Variants in ZNF273 observed in about 807,000 individuals in gnomAD.
The protein encoded by ZNF273 is zinc finger protein 273, also known as zinc finger protein 9.
ZNF273 carries 11 observed loss-of-function variants against 14.9 expected under a neutral mutation model. The observed-to-expected ratio is 0.74, with a 90% CI of 0.46 to 1.22. The LOEUF (loss-of-function observed/expected upper bound fraction) is 1.22, where lower values mean the gene tolerates loss of function less well. Ranked by LOEUF, ZNF273 falls within the 50% of genes most tolerant of loss-of-function variation. The pLI, the probability that ZNF273 is intolerant of heterozygous loss-of-function variation, is 0.00. For synonymous variants in ZNF273, 199 were observed against 223.9 expected (o/e 0.89, Z 0.99); for missense variants, 577 against 660.6 (o/e 0.87, Z 1.39).
At chr7:64,890,189 G>GGGGGGTGTGT (rs749883524), downstream of ZNF273, 1 of 87,992 alleles carries the variant, frequency 1.1e-5, no homozygotes. Flanking sequence ...GCAGGTTAGG[G>GGGGGGTGTGT]GTGTGTGTGT....
chr7:64,917,011 C>T (rs1794055171), intron 1 of ZNF273: 1 of 1,269,230 alleles, frequency 7.9e-7, no homozygotes, highest in South Asian at 1.3e-5. Flanking sequence ...AAAATAAAGG[C>T]TCTCATCTTT....
At position 64,930,494 on chromosome 7, in the gene ZNF273, G is replaced by A. The variant is rs984051371; in HGVS notation, c.*1456G>A. 1 of 152,124 alleles carries A rather than the reference G, an allele frequency of 6.6e-6. No individual in the cohort carries two copies. Among genetic ancestry groups the A allele is most frequent in the African/African-American group, 2.4e-5 (1 of 41,430 alleles). The allele number at this position is 152,124 out of a possible 1,614,324, so 9.4% of individuals were successfully genotyped here. On this transcript the variant is annotated 3_prime_UTR_variant, in exon 4 of 4. Coordinates refer to ENST00000476120, the MANE Select transcript of ZNF273 (RefSeq NM_021148.3). ...GTACATTTCAAAATTTTTAGATTATGTATGAACTTAGATTTTTAAACATGT... is the reference window on the plus strand; with the variant it reads ...GTACATTTCAAAATTTTTAGATTATATATGAACTTAGATTTTTAAACATGT...
At chr7:64,898,927 A>G (rs1433603481), upstream of ZNF273, among the ~76,000 whole-genome samples, 1 of 151,884 alleles carries the variant, frequency 6.6e-6, no homozygotes, top group Non-Finnish European at 1.5e-5. Flanking sequence ...AGTTTTCTAC[A>G]ATTATTTGCT....
chr7:64,898,377 C>T (rs939787783), upstream of ZNF273, among the ~76,000 whole-genome samples: 8 of 152,108 alleles, frequency 5.3e-5, no homozygotes, highest in Non-Finnish European at 7.4e-5. Context: ...GAGTGTTCTT[C>T]GTTTGAGTAG....
rs931247137 is a variant in ZNF273, at chr7:64,928,581, C to A, written c.1253C>A (p.Thr418Asn). ...GKAFKRSTTL[T>N]KHKRIYTKEK... ...GCCTTTAAACGGTCCACAACTCTTA[C>A]TAAACATAAGAGAATTTATACTAAA... The change falls in exon 4 of 4, where the codon ACT (threonine) becomes AAT (asparagine). Residue 418 changes from threonine (T) to asparagine (N), a missense_variant. By Grantham distance (65) the Thr-to-Asn change is moderately conservative. Coordinates refer to ENST00000476120, the MANE Select transcript of ZNF273 (RefSeq NM_021148.3). 1.2e-6 allele frequency: 2 copies of A among 1,610,418 alleles called. No homozygotes were observed. The highest frequency in any genetic ancestry group is 2.7e-5 in the African/African-American group (2 of 74,830).
chr7:64,912,831 T>TTGTTGTTGTTG (rs1283651560), intron 1 of ZNF273, among the ~76,000 whole-genome samples: 2 of 86,620 alleles, frequency 2.3e-5, no homozygotes, highest in Admixed American at 1.3e-4. Context: ...TTTTAGTTTT[T>TTGTTGTTGTTG]TTTTTTTTTT....
In ZNF273 at chr7:64,923,253, G is replaced by A. The variant is rs148341910; in HGVS notation, c.326-4401G>A. ...TTGCATAATGTCATCAAGATTTATC[G>A]TTATAGTTGTTAGAATATCTTCCGC... On this transcript the variant is annotated intron_variant, in intron 3 of 3. Transcript: ENST00000476120. The A allele has an allele frequency of 3.9e-5, 17 of 435,790 alleles. No individual in the cohort carries two copies. The East Asian group carries it at 5.7e-4, about 15-fold the overall frequency. 27.0% of individuals were successfully genotyped at this position (435,790 alleles called of 1,614,324 possible). A position where few individuals can be genotyped will look rare whatever the true frequency, so the allele number is the denominator to read the frequency against.
chr7:64,919,908 CTT>C (rs1234064409), intron 3 of ZNF273, among the ~76,000 whole-genome samples: 1 of 142,038 alleles, frequency 7.0e-6, no homozygotes, highest in African/African-American at 2.6e-5. Flanking sequence ...GCTATTTTTT[CTT>C]TTTTTTTTTT....
chr7:64,924,644 A>G (rs1455296421), intron 3 of ZNF273, among the ~76,000 whole-genome samples: 1 of 152,162 alleles, frequency 6.6e-6, no homozygotes, highest in African/African-American at 2.4e-5. Context: ...TACGACAGTT[A>G]CTTAAGATGT....
rs1584014742 is a variant in ZNF273 at position 64,927,847 on chromosome 7, C to A, written c.519C>A (p.Thr173=). 1 of 1,613,962 alleles carries A rather than the reference C, an allele frequency of 6.2e-7. No individual in the cohort carries two copies. Among genetic ancestry groups the A allele is most frequent in the Non-Finnish European group, 8.5e-7 (1 of 1,179,964 alleles). Residue 173 remains threonine, a synonymous_variant, in exon 4 of 4, where the codon ACC becomes ACA. Coordinates refer to ENST00000476120, the MANE Select transcript of ZNF273 (RefSeq NM_021148.3). ...GACTTAACCAATGTTTGACAACTAC[C>A]CAGAGCAAAATATTTCAATGTGATA... ...YNGLNQCLTT[T]QSKIFQCDKY...
At chr7:64,899,760 GGT>G (rs1491244635), upstream of ZNF273, among the ~76,000 whole-genome samples, 1 of 148,418 alleles carries the variant, frequency 6.7e-6, no homozygotes, top group Non-Finnish European at 1.5e-5. Context: ...GTAATTTCAA[GGT>G]TTTTTTTTTT....
downstream of ZNF273, chr7:64,889,078 C>G (rs928090507): frequency 5.4e-5 from 53 of 985,844 alleles, no homozygotes; most frequent in Non-Finnish European, 6.1e-5. The surrounding 1 kb of genome is among the most constrained non-coding windows in gnomAD (Gnocchi z 4.2). Flanking sequence ...AGAGCGCAGC[C>G]GTTTTGCGGA....
chr7:64,888,190 C>T (rs1791719337), intron 1 of ZNF273: 1 of 670,216 alleles, frequency 1.5e-6, no homozygotes, highest in African/African-American at 2.0e-5. Flanking sequence ...CTCATTTCAC[C>T]CCATTCCCTG....
At chr7:64,934,162 T>G (rs943581647), downstream of ZNF273, among the ~76,000 whole-genome samples, 7 of 152,266 alleles carry the variant, frequency 4.6e-5, no homozygotes, top group South Asian at 1.5e-3. Flanking sequence ...CCCATAGTGC[T>G]GGAACTACAG....
intron 1 of ZNF273, among the ~76,000 whole-genome samples, chr7:64,910,704 G>T (rs1461749729): frequency 6.9e-6 from 1 of 143,944 alleles, no homozygotes; most frequent in Non-Finnish European, 1.5e-5. Flanking sequence ...TTTTAAAATA[G>T]TTTTTTTTTC....
chr7:64,879,037 A>G (rs1791184835), intron 2 of ZNF273, among the ~76,000 whole-genome samples: 1 of 152,232 alleles, frequency 6.6e-6, no homozygotes. Context: ...AAAGGGCTAC[A>G]TGATTCCTAT....
At chr7:64,912,091 T>G (rs1793555086) in intron 1 of ZNF273, among the ~76,000 whole-genome samples, 1 of 152,204 alleles carries the variant, frequency 6.6e-6, no homozygotes, top group South Asian at 2.1e-4. Context: ...ACCTAGTAGC[T>G]GGGATCACAG....
chr7:64,877,678 T>C (rs1791152724), exon 1 of ZNF273: 1 of 152,450 alleles, frequency 6.6e-6, no homozygotes, highest in Admixed American at 6.5e-5. Context: ...CGTTGGACTC[T>C]CGCCTGTCTT....
chr7:64,904,395 GA>G (rs1792946456), intron 1 of ZNF273, among the ~76,000 whole-genome samples: 1 of 152,102 alleles, frequency 6.6e-6, no homozygotes, highest in Non-Finnish European at 1.5e-5. Flanking sequence ...CGGCCAATTT[GA>G]GTTAGATTTT....
Sources: gnomAD v4.1 joint callset for allele counts (sites outside exome capture counted in the v4.1 genomes callset) on GRCh38, gnomAD v4.1.1 for gene constraint, Gnocchi (gnomAD v3.1) non-coding constraint, MANE v1.5 for transcripts, NCBI Gene and HGNC (gene_info 2026-07-23, HGNC 2026-07-21) for gene names.